UBR3: variants seen among roughly 807,000 people sequenced by gnomAD.
The protein encoded by UBR3 is E3 ubiquitin-protein ligase UBR3.
In UBR3, 85 loss-of-function variants were observed where a neutral mutation model predicts 243.2. That is an observed-to-expected ratio of 0.35 (90% CI 0.29 to 0.42). UBR3 has a LOEUF of 0.42. UBR3 is among the 10% of genes least tolerant of loss of function. The pLI is 1.00. For synonymous variants in UBR3, 748 were observed against 799.8 expected, an observed-to-expected ratio of 0.94 and a Z score of 1.09; for missense variants, 1,686 against 2,300.8, an observed-to-expected ratio of 0.73 and a Z score of 5.47.
At chr2:169,865,740 C>T (rs982876734) in intron 1 of UBR3, among the ~76,000 whole-genome samples, 1 of 152,170 alleles carries the variant, frequency 6.6e-6, no homozygotes, top group African/African-American at 2.4e-5. Flanking sequence ...TCCTGGCTTT[C>T]CTTTCATCCA....
chr2:169,880,457 C>T (rs1160978497), intron 5 of UBR3, among the ~76,000 whole-genome samples: 1 of 152,186 alleles, frequency 6.6e-6, no homozygotes, highest in Non-Finnish European at 1.5e-5. Flanking sequence ...GCCTTCTCCT[C>T]TGTCTAGGAC....
At chr2:169,979,947 A>T (rs185893116) in intron 24 of UBR3, among the ~76,000 whole-genome samples, 113 of 152,346 alleles carry the variant, frequency 7.4e-4, no homozygotes, top group Non-Finnish European at 1.2e-3. Flanking sequence ...ACAGGAGAAT[A>T]TAACTGTATT....
chr2:170,020,403 A>G (rs16857462), intron 30 of UBR3, among the ~76,000 whole-genome samples: 1,777 of 152,298 alleles, frequency 0.012, 48 homozygotes, highest in African/African-American at 0.039. Context: ...GTTGGTATGT[A>G]TTTAGGGCCA....
At chr2:170,019,013 T>C (rs558759906) in intron 30 of UBR3, among the ~76,000 whole-genome samples, 11 of 152,328 alleles carry the variant, frequency 7.2e-5, no homozygotes, top group African/African-American at 2.2e-4. Context: ...TGGAGCATAA[T>C]ATAAAAAATT....
chr2:169,907,026 A>G (rs2085037092), intron 10 of UBR3, among the ~76,000 whole-genome samples: 1 of 148,048 alleles, frequency 6.8e-6, no homozygotes, highest in Non-Finnish European at 1.5e-5. Flanking sequence ...TACTAGGTTC[A>G]AATTTCTTTC....
At position 170,061,130 on chromosome 2, in the gene UBR3, A is replaced by G; in HGVS notation, c.4837A>G (p.Ser1613Gly). The G allele has an allele frequency of 6.2e-7, 1 of 1,601,012 alleles. No homozygotes were observed. Among genetic ancestry groups the G allele is most frequent in the Non-Finnish European group, 8.5e-7 (1 of 1,176,574 alleles). ...SYEVLLSFVI[S>G]ELFKGKLYHE... ...CGAAGTATTACTGAGCTTTGTGATA[A>G]GTGAACTATTTAAAGGAAAGTTATA... The change falls in exon 34 of 39, where the codon AGT (serine) becomes GGT (glycine). Residue 1613 changes from serine to glycine, a missense_variant. This residue lies in a region of UBR3 where 371 missense variants were observed against 422.5 expected (regional missense o/e 0.88). Transcript: ENST00000272793.
intron 19 of UBR3, among the ~76,000 whole-genome samples, chr2:169,938,274 C>CTT (rs113623124): frequency 7.0e-5 from 10 of 141,904 alleles, no homozygotes; most frequent in East Asian, 2.0e-4. Flanking sequence ...TTTCTTTCTC[C>CTT]TTTTTTTTTT....
intron 8 of UBR3, among the ~76,000 whole-genome samples, chr2:169,900,325 C>G (rs1559074308): frequency 6.6e-6 from 1 of 152,220 alleles, no homozygotes; most frequent in East Asian, 1.9e-4. Flanking sequence ...TGTCCTTCAC[C>G]CACTTTTTGA....
intron 29 of UBR3, 41 bp downstream of exon 29, chr2:170,008,981 T>A: frequency 8.1e-7 from 1 of 1,227,546 alleles, no homozygotes; most frequent in Non-Finnish European, 1.1e-6. Flanking sequence ...TACTTACTAT[T>A]AATAGTTGAT....
intron 30 of UBR3, among the ~76,000 whole-genome samples, chr2:170,029,101 G>A (rs2090605238): frequency 6.6e-6 from 1 of 151,958 alleles, no homozygotes; most frequent in Non-Finnish European, 1.5e-5. Flanking sequence ...TAGGAGATGA[G>A]GAAAACCATT....
chr2:169,915,749 C>T (rs1302599991), intron 11 of UBR3, among the ~76,000 whole-genome samples: 2 of 152,072 alleles, frequency 1.3e-5, no homozygotes, highest in Non-Finnish European at 2.9e-5. Flanking sequence ...ATAAAATTAC[C>T]CTTTTTCTCA....
At chr2:170,052,758 T>C (rs1488699544) in intron 32 of UBR3, among the ~76,000 whole-genome samples, 1 of 152,240 alleles carries the variant, frequency 6.6e-6, no homozygotes, top group Non-Finnish European at 1.5e-5. Flanking sequence ...TCTGGAGATC[T>C]AATATACAAC....
At position 169,877,572 on chromosome 2, in the gene UBR3, C is replaced by T; in HGVS notation, c.923C>T (p.Pro308Leu). ...TTAAAGAGCTCTGGACTTACATATC[C>T]TGAGGATAAGCTTGTATATGGTGTG... ...IALKSSGLTYPEDKLVYGVQE... is the reference protein window; with the variant it reads ...IALKSSGLTYLEDKLVYGVQE... The change falls in exon 4 of 39, where the codon CCT (proline) becomes CTT (leucine). Residue 308 changes from proline to leucine, a missense_variant. Physicochemically the swap from Pro to Leu is moderately conservative, Grantham distance 98. This residue lies in a region of UBR3 where 200 missense variants were observed against 231.6 expected (regional missense o/e 0.86). Coordinates refer to ENST00000272793, the MANE Select transcript of UBR3 (RefSeq NM_172070.4). The T allele has an allele frequency of 6.5e-7, 1 of 1,549,606 alleles. No individual in the cohort carries two copies. Among genetic ancestry groups the T allele is most frequent in the Middle Eastern group, 1.7e-4 (1 of 5,986 alleles).
intron 5 of UBR3, among the ~76,000 whole-genome samples, chr2:169,890,728 A>G (rs927773037): frequency 2.0e-5 from 3 of 148,180 alleles, no homozygotes; most frequent in African/African-American, 4.9e-5. Flanking sequence ...TTATTTTTCA[A>G]AATTTGATTT....
chr2:170,017,477 A>C lies in UBR3; in HGVS notation c.4453+2111A>C, dbSNP rs561170301. 8.6e-5 allele frequency among the ~76,000 whole-genome samples: 13 copies of C among 151,340 alleles called. No individual in the cohort carries two copies. The South Asian group carries it at 1.7e-3, about 19-fold the overall frequency. On this transcript the variant is annotated intron_variant, in intron 30 of 38. Coordinates refer to ENST00000272793, the MANE Select transcript of UBR3 (RefSeq NM_172070.4). ...TGTCTAGTCAAGAAAACTTTTAATA[A>C]ATTTTGTCTAGAGAGGATTGCGTAA...
intron 30 of UBR3, among the ~76,000 whole-genome samples, chr2:170,026,619 C>T (rs977320171): frequency 6.6e-6 from 1 of 152,106 alleles, no homozygotes; most frequent in African/African-American, 2.4e-5. Context: ...ATTGAAATCA[C>T]AGCACGCTTA....
intron 32 of UBR3, among the ~76,000 whole-genome samples, chr2:170,048,393 C>A (rs1052350724): frequency 1.3e-5 from 2 of 152,196 alleles, no homozygotes; most frequent in African/African-American, 4.8e-5. Flanking sequence ...GCTGTTGCCA[C>A]CATTTTTTGA....
intron 1 of UBR3, among the ~76,000 whole-genome samples, chr2:169,850,686 T>C (rs986260538): frequency 1.3e-5 from 2 of 151,808 alleles, no homozygotes; most frequent in Non-Finnish European, 1.5e-5. Context: ...CTACTAAAAA[T>C]ACAAAAAATT....
intron 23 of UBR3, among the ~76,000 whole-genome samples, chr2:169,955,042 T>A (rs1222664291): frequency 7.9e-5 from 12 of 152,224 alleles, no homozygotes; most frequent in Non-Finnish European, 1.5e-4. Context: ...TTTGGGATTG[T>A]CTGTTTTCCC....
Sources: allele counts gnomAD v4.1 joint callset (sites outside exome capture counted in the v4.1 genomes callset), GRCh38; gene constraint gnomAD v4.1.1; regional missense constraint gnomAD v4.1.1; transcripts MANE v1.5; gene names NCBI Gene and HGNC (gene_info 2026-07-23, HGNC 2026-07-21).